The following TIAM1 variants were observed in gnomAD, a reference collection of about 807,000 sequenced individuals.
TIAM1 encodes TIAM Rac1 associated GEF 1.
TIAM1 carries 65 observed loss-of-function variants against 163.5 expected under a neutral mutation model. The ratio of observed to expected loss-of-function variants is 0.40; its 90% CI spans 0.33 to 0.49. The LOEUF is 0.49. Ranked by LOEUF, TIAM1 falls within the 20% of genes least tolerant of loss-of-function variation. The pLI, the probability that TIAM1 is intolerant of heterozygous loss-of-function variation, is 0.77. For missense variants in TIAM1, 1,789 were observed against 2,044.7 expected, an observed-to-expected ratio of 0.87 and a Z score of 2.41; for synonymous variants, 833 against 810.1, an observed-to-expected ratio of 1.03 and a Z score of -0.48.
intron 16 of TIAM1, among the ~76,000 whole-genome samples, chr21:31,156,508 G>A (rs73349735): frequency 5.6e-4 from 85 of 152,120 alleles, no homozygotes; most frequent in Non-Finnish European, 9.9e-4. Flanking sequence ...TTTCATCAAA[G>A]CTTGTTTCAG....
At chr21:31,183,592 C>T (rs1218250170) in intron 14 of TIAM1, among the ~76,000 whole-genome samples, 1 of 152,200 alleles carries the variant, frequency 6.6e-6, no homozygotes, top group Non-Finnish European at 1.5e-5. Flanking sequence ...GCATCCCACT[C>T]AGATTCTGCA....
chr21:31,324,746 G>A (rs2147042687), intron 2 of TIAM1, among the ~76,000 whole-genome samples: 1 of 152,306 alleles, frequency 6.6e-6, no homozygotes, highest in East Asian at 1.9e-4. Flanking sequence ...TGCCCAACTA[G>A]AATATGTGAC....
chr21:31,336,737 A>C (rs1351629629), intron 2 of TIAM1, among the ~76,000 whole-genome samples: 1 of 152,124 alleles, frequency 6.6e-6, no homozygotes, highest in Non-Finnish European at 1.5e-5. Flanking sequence ...TCCGAGGGGC[A>C]AAAATCACAG....
rs757073476 is a variant in TIAM1 at position 31,124,737 on chromosome 21, A to T, written c.4134-43T>A. ...ACAGATGTTAGAGAATCAGGGCTTAACACATGGGGAACTTCTAAGGTTATC... is the reference window on the plus strand; with the variant it reads ...ACAGATGTTAGAGAATCAGGGCTTATCACATGGGGAACTTCTAAGGTTATC... On this transcript the variant is annotated intron_variant, in intron 26 of 27. Coordinates refer to ENST00000541036, the MANE Select transcript of TIAM1 (RefSeq NM_001353694.2). The T allele has an allele frequency of 1.7e-5, 25 of 1,489,322 alleles. No homozygotes were observed. The South Asian group carries it at 2.8e-4, about 17-fold the overall frequency. 92.3% of individuals were successfully genotyped at this position (1,489,322 alleles called of 1,614,324 possible).
At chr21:31,471,174 G>A (rs927123394) in intron 1 of TIAM1, among the ~76,000 whole-genome samples, 3 of 152,170 alleles carry the variant, frequency 2.0e-5, no homozygotes, top group South Asian at 2.1e-4. Context: ...ACAGCAGAGC[G>A]GACCACACAG....
At chr21:31,194,355 AC>A (rs892736828) in intron 13 of TIAM1, among the ~76,000 whole-genome samples, 2 of 151,656 alleles carry the variant, frequency 1.3e-5, no homozygotes, top group African/African-American at 2.4e-5. Context: ...GGTCTTGGGG[AC>A]CCCCCTACAC....
At chr21:31,484,997 G>A (rs1015623295) in intron 1 of TIAM1, among the ~76,000 whole-genome samples, 9 of 152,158 alleles carry the variant, frequency 5.9e-5, no homozygotes, top group African/African-American at 1.7e-4. Flanking sequence ...CAGGAAGCAG[G>A]TCTTCACCAG....
intron 27 of TIAM1, among the ~76,000 whole-genome samples, chr21:31,122,335 C>T (rs1473495425): frequency 6.6e-6 from 1 of 152,194 alleles, no homozygotes; most frequent in Non-Finnish European, 1.5e-5. Context: ...TCACTTTTAT[C>T]TCAGCACCAG....
At position 31,154,319 on chromosome 21, in the gene TIAM1, T is replaced by G; in HGVS notation, c.3099A>C (p.Arg1033Ser). ...DSTGPQLATM[R>S]QLSDADKLRK... is the part of the protein sequence containing the mutation. The stretch of plus-strand genomic sequence containing the variant: ...GCAGCTTATCTGCATCCGAGAGTTG[T>G]CTCATGGTCGCCAGCTGAGGCCCCG... Residue 1033 changes from arginine (R) to serine (S), a missense_variant, in exon 17 of 28, where the codon AGA becomes AGC. Transcript: ENST00000541036. 6.2e-7 allele frequency: 1 copy of G among 1,614,090 alleles called. No homozygotes were observed. The highest frequency in any genetic ancestry group is 8.5e-7 in the Non-Finnish European group (1 of 1,180,018).
chr21:31,132,368 T>C (rs949877827), intron 23 of TIAM1, among the ~76,000 whole-genome samples: 8 of 152,084 alleles, frequency 5.3e-5, no homozygotes, highest in African/African-American at 1.7e-4. Context: ...ATCTGACCCC[T>C]CAAGGTTCCC....
At chr21:31,515,119 C>T (rs890043021) in intron 1 of TIAM1, among the ~76,000 whole-genome samples, 8 of 152,116 alleles carry the variant, frequency 5.3e-5, no homozygotes, top group Admixed American at 6.6e-5. Flanking sequence ...AAAACCAGTC[C>T]TACCCTTTGT....
In TIAM1 at chr21:31,453,879, C is replaced by T. The variant is rs185854060; in HGVS notation, c.-369+10104G>A. 4.1e-4 allele frequency among the ~76,000 whole-genome samples: 63 copies of T among 152,158 alleles called. No homozygotes were observed. In the Middle Eastern group the frequency reaches 0.01, roughly 25 times the overall value. ...GCTTGACCTCGCTGAACCTTCTATA[C>T]GCTCCTTCTTGCTCAGCCTGGTCCA... On this transcript the variant is annotated intron_variant, in intron 2 of 28. Coordinates refer to the TIAM1 transcript ENST00000286827.
chr21:31,521,745 A>AACACACACAC (rs35006738), intron 1 of TIAM1, among the ~76,000 whole-genome samples: 6,817 of 146,894 alleles, frequency 0.046, 238 homozygotes, highest in African/African-American at 0.092. Context: ...CTCACACACA[A>AACACACACAC]ACACACACAC....
At chr21:31,340,551 GA>G (rs2075982474) in intron 1 of TIAM1, among the ~76,000 whole-genome samples, 1 of 152,112 alleles carries the variant, frequency 6.6e-6, no homozygotes, top group Non-Finnish European at 1.5e-5. Context: ...AATTTTTAGA[GA>G]GGGGGTCTCA....
intron 2 of TIAM1, among the ~76,000 whole-genome samples, chr21:31,298,583 T>G (rs896786530): frequency 6.6e-6 from 1 of 152,126 alleles, no homozygotes; most frequent in African/African-American, 2.4e-5. Context: ...CCTCTCTAAT[T>G]GTCTGTCTTC....
chr21:31,211,423 AT>A (rs1312656681), intron 10 of TIAM1, among the ~76,000 whole-genome samples: 1 of 152,244 alleles, frequency 6.6e-6, no homozygotes, highest in Non-Finnish European at 1.5e-5. Context: ...GGCCTTCATT[AT>A]TGATTTATAA....
intron 1 of TIAM1, among the ~76,000 whole-genome samples, chr21:31,495,516 C>A (rs979685952): frequency 6.6e-6 from 1 of 152,236 alleles, no homozygotes; most frequent in Non-Finnish European, 1.5e-5. Flanking sequence ...GGAGCCTCCA[C>A]AGCCTAATCG....
Position 31,528,054 on chromosome 21 carries a change from G to T in TIAM1, c.-422+30873C>A, listed in dbSNP as rs574073173. ...AACTAGTGATTCTAGGCTTTCCAGC[G>T]TACAAGATTGATGAGACTTCAGTGT... On this transcript the variant is annotated intron_variant, in intron 1 of 28. Transcript: ENST00000286827. Among the ~76,000 whole-genome samples the T allele has an allele frequency of 3.9e-5, 6 of 152,270 alleles. No homozygotes were observed. In the South Asian group the frequency reaches 1.0e-3, roughly 26 times the overall value.
chr21:31,503,067 T>C (rs2046899262), intron 1 of TIAM1, among the ~76,000 whole-genome samples: 1 of 152,126 alleles, frequency 6.6e-6, no homozygotes, highest in Non-Finnish European at 1.5e-5. Context: ...AGGTCAAAAT[T>C]GTCCATAATC....
Sources: allele counts gnomAD v4.1 joint callset (sites outside exome capture counted in the v4.1 genomes callset), GRCh38; gene constraint gnomAD v4.1.1; transcripts MANE v1.5; gene names NCBI Gene and HGNC (gene_info 2026-07-23, HGNC 2026-07-21).